The following GRIK2 variants were observed in gnomAD, a reference collection of about 807,000 sequenced individuals.
GRIK2 encodes the protein glutamate receptor ionotropic, kainate 2.
Under a neutral mutation model 100.3 loss-of-function variants are expected in GRIK2, and 32 were observed. That is an observed-to-expected ratio of 0.32 (90% confidence interval 0.24 to 0.43). The LOEUF (loss-of-function observed/expected upper bound fraction) is 0.43. Ranked by LOEUF, GRIK2 falls within the 20% of genes least tolerant of loss-of-function variation. The pLI is 1.00. For synonymous variants in GRIK2, 417 were observed against 389.4 expected, an observed-to-expected ratio of 1.07 and a Z score of -0.83; for missense variants, 843 against 1,114.9, an observed-to-expected ratio of 0.76 and a Z score of 3.47.
chr6:101,640,588 T>A (rs1016644727), intron 4 of GRIK2, among the ~76,000 whole-genome samples: 3 of 152,228 alleles, frequency 2.0e-5, no homozygotes, highest in Admixed American at 2.0e-4. Context: ...ATCACTGTGA[T>A]TTGGGAAGGG....
At chr6:101,731,614 A>G (rs1703925804) in intron 7 of GRIK2, among the ~76,000 whole-genome samples, 1 of 152,002 alleles carries the variant, frequency 6.6e-6, no homozygotes, top group Admixed American at 6.6e-5. Context: ...TTACTCTTAT[A>G]CAGATATAAA....
intron 7 of GRIK2, chr6:101,745,037 ATTAT>A (rs902169033): frequency 3.9e-5 from 6 of 152,058 alleles, no homozygotes; most frequent in East Asian, 1.9e-4. Flanking sequence ...CTAAAGGGAA[ATTAT>A]TTATTATATT....
chr6:101,775,582 A>G lies in GRIK2; in HGVS notation c.952-24066A>G, dbSNP rs570970923. 2.6e-5 allele frequency among the ~76,000 whole-genome samples: 4 copies of G among 151,034 alleles called. No homozygotes were observed. The East Asian group carries it at 7.8e-4, about 29-fold the overall frequency. ...TATATACACACACACACATTACTGTATAGTTTATTTATAATAAACTATAAA... is the reference window on the plus strand; with the variant it reads ...TATATACACACACACACATTACTGTGTAGTTTATTTATAATAAACTATAAA... On this transcript the variant is annotated intron_variant, in intron 7 of 16. Transcript: ENST00000369134.
chr6:101,815,050 A>G (rs1226560179), intron 9 of GRIK2, among the ~76,000 whole-genome samples: 1 of 152,212 alleles, frequency 6.6e-6, no homozygotes, highest in Admixed American at 6.5e-5. Context: ...ACACAAAGAA[A>G]TAATGTACCC....
chr6:101,935,202 T>C (rs1278329016), intron 14 of GRIK2, among the ~76,000 whole-genome samples: 1 of 151,916 alleles, frequency 6.6e-6, no homozygotes, highest in African/African-American at 2.4e-5. Flanking sequence ...AGAAATTCTT[T>C]ATGGTACTTC....
chr6:101,516,592 A>G (rs1774597183), intron 2 of GRIK2, among the ~76,000 whole-genome samples: 1 of 152,156 alleles, frequency 6.6e-6, no homozygotes, highest in Non-Finnish European at 1.5e-5. Flanking sequence ...TCAACTCAAA[A>G]TATGGATTAA....
intron 2 of GRIK2, among the ~76,000 whole-genome samples, chr6:101,539,646 TTTC>T (rs1775890006): frequency 6.6e-6 from 1 of 151,820 alleles, no homozygotes; most frequent in Non-Finnish European, 1.5e-5. Flanking sequence ...TATCTTTTAT[TTTC>T]TTTGCTAACA....
rs1311866539 is a variant in GRIK2, at chr6:101,402,719, T to C, written c.115+3327T>C. On this transcript the variant is annotated intron_variant, in intron 2 of 16. Transcript: ENST00000369134. ...TTCTCCTGCCCTAGGTCGAGCCAGA[T>C]GTTCTCTGGCCGGCTTTTCTGGGAG... is the stretch of plus-strand genomic sequence containing the variant. 2.0e-5 allele frequency among the ~76,000 whole-genome samples: 3 copies of C among 152,154 alleles called. No individual in the cohort carries two copies. The South Asian group carries it at 6.2e-4, about 32-fold the overall frequency.
chr6:101,470,665 T>A (rs1455283265), intron 2 of GRIK2, among the ~76,000 whole-genome samples: 1 of 152,076 alleles, frequency 6.6e-6, no homozygotes, highest in African/African-American at 2.4e-5. Context: ...TGCAGGAGGA[T>A]CATTATACTC....
At chr6:101,417,401 C>G (rs925511944) in intron 2 of GRIK2, among the ~76,000 whole-genome samples, 24 of 152,070 alleles carry the variant, frequency 1.6e-4, no homozygotes, top group Admixed American at 1.6e-3. Context: ...TCTAATGGAG[C>G]CTATACAACC....
chr6:101,668,808 G>A (rs866585404), intron 4 of GRIK2, among the ~76,000 whole-genome samples: 24 of 152,252 alleles, frequency 1.6e-4, no homozygotes, highest in African/African-American at 4.8e-4. Context: ...GAGGCCTGCC[G>A]TAGAAGTGGT....
chr6:101,830,686 G>T (rs1782619736), intron 10 of GRIK2, among the ~76,000 whole-genome samples: 1 of 151,166 alleles, frequency 6.6e-6, no homozygotes, highest in Non-Finnish European at 1.5e-5. Flanking sequence ...AGTCAGAATG[G>T]CTATTATTAA....
chr6:102,014,090 T>A (rs541792402), intron 14 of GRIK2, among the ~76,000 whole-genome samples: 1 of 82,522 alleles, frequency 1.2e-5, no homozygotes, highest in Admixed American at 1.3e-4. Flanking sequence ...AGGCTACTTA[T>A]TACTGATTAA....
At chr6:101,731,440 T>C (rs1775263905) in intron 7 of GRIK2, among the ~76,000 whole-genome samples, 1 of 151,980 alleles carries the variant, frequency 6.6e-6, no homozygotes. Context: ...GACTATATAA[T>C]GAAATAGAGT....
chr6:101,692,859 G>A (rs1278081276), intron 7 of GRIK2, among the ~76,000 whole-genome samples: 1 of 152,058 alleles, frequency 6.6e-6, no homozygotes, highest in Admixed American at 6.6e-5. Context: ...GTATATTTCA[G>A]AGTATGTAAT....
At chr6:102,014,942 T>C (rs1795755255) in intron 14 of GRIK2, among the ~76,000 whole-genome samples, 2 of 152,290 alleles carry the variant, frequency 1.3e-5, no homozygotes, top group African/African-American at 4.8e-5. Flanking sequence ...TTTAGATGTC[T>C]ATCAGATCCA....
At chr6:101,627,290 C>T (rs1459595119) in intron 4 of GRIK2, among the ~76,000 whole-genome samples, 4 of 152,006 alleles carry the variant, frequency 2.6e-5, no homozygotes, top group Non-Finnish European at 5.9e-5. Flanking sequence ...TACAGGCATA[C>T]GCCACCACTT....
chr6:101,919,240 A>G (rs1304935262), intron 12 of GRIK2, among the ~76,000 whole-genome samples: 1 of 151,826 alleles, frequency 6.6e-6, no homozygotes, highest in Non-Finnish European at 1.5e-5. Context: ...ACAAAAATGG[A>G]GAAAAGGAGA....
intron 14 of GRIK2, among the ~76,000 whole-genome samples, chr6:102,034,883 C>T (rs1442209131): frequency 6.6e-6 from 1 of 151,102 alleles, no homozygotes; most frequent in Non-Finnish European, 1.5e-5. Flanking sequence ...TACGTTAACC[C>T]AAGTTGGGGG....
Sources: gnomAD v4.1 joint callset for allele counts (sites outside exome capture counted in the v4.1 genomes callset) on GRCh38, gnomAD v4.1.1 for gene constraint, MANE v1.5 for transcripts, NCBI Gene and HGNC (gene_info 2026-07-23, HGNC 2026-07-21) for gene names.